Variants in CSMD1 observed in about 807,000 individuals in gnomAD.
CSMD1 encodes the protein CUB and sushi domain-containing protein 1.
CSMD1 carries 213 observed loss-of-function variants against 417.5 expected under a neutral mutation model. The observed-to-expected ratio is 0.51, with a 90% CI of 0.46 to 0.57. The LOEUF (loss-of-function observed/expected upper bound fraction) is 0.57. CSMD1 is among the 20% of genes least tolerant of loss of function. The pLI is 0.00. For missense variants in CSMD1, 6,923 were observed against 4,529.7 expected (o/e 1.53, Z -15.17); for synonymous variants, 2,862 against 1,736.8 (o/e 1.65, Z -16.11).
At chr8:3,389,474 G>A (rs984736514) in intron 17 of CSMD1, among the ~76,000 whole-genome samples, 2 of 152,110 alleles carry the variant, frequency 1.3e-5, no homozygotes, top group African/African-American at 2.4e-5. Context: ...AAGCTCTGCT[G>A]AAGAAATGCA....
chr8:4,298,846 C>G (rs11985248), intron 3 of CSMD1, among the ~76,000 whole-genome samples: 3,074 of 151,912 alleles, frequency 0.02, 109 homozygotes, highest in African/African-American at 0.071. Context: ...AAAATTATTT[C>G]TGGAAATACT....
chr8:3,105,456 C>G (rs983989622), intron 46 of CSMD1, among the ~76,000 whole-genome samples: 4 of 152,218 alleles, frequency 2.6e-5, no homozygotes, highest in Non-Finnish European at 4.4e-5. Flanking sequence ...GATGTTTCGA[C>G]TTACTTGAGC....
Position 4,228,528 on chromosome 8 carries a change from C to T in CSMD1, c.415+191425G>A, listed in dbSNP as rs138514026. ...TCTTCCAGTCAACCCTGTATCTTGG[C>T]TCTTCTACAACCCACTGGCTGTACT... On this transcript the variant is annotated intron_variant, in intron 3 of 69. Coordinates refer to ENST00000635120, the MANE Select transcript of CSMD1 (RefSeq NM_033225.6). Among the ~76,000 whole-genome samples, 8 of 151,612 alleles carry T rather than the reference C, an allele frequency of 5.3e-5. No homozygotes were observed. The East Asian group carries it at 1.6e-3, about 30-fold the overall frequency.
intron 11 of CSMD1, among the ~76,000 whole-genome samples, chr8:3,485,137 T>C (rs1290134381): frequency 5.3e-5 from 8 of 152,182 alleles, no homozygotes; most frequent in South Asian, 2.1e-4. Flanking sequence ...TTCTTCATAA[T>C]AGTCAAATAC....
At chr8:3,348,931 G>A (rs1040696135) in intron 21 of CSMD1, among the ~76,000 whole-genome samples, 1 of 152,138 alleles carries the variant, frequency 6.6e-6, no homozygotes, top group African/African-American at 2.4e-5. Context: ...AATGCTTTCA[G>A]CTCCAAAACT....
intron 5 of CSMD1, among the ~76,000 whole-genome samples, chr8:3,762,825 T>A (rs1798085621): frequency 6.6e-6 from 1 of 152,160 alleles, no homozygotes; most frequent in Non-Finnish European, 1.5e-5. Flanking sequence ...CAGCCGTGTG[T>A]AAGGCAGCTG....
At chr8:3,658,559 G>A (rs1480457368) in intron 7 of CSMD1, among the ~76,000 whole-genome samples, 1 of 151,476 alleles carries the variant, frequency 6.6e-6, no homozygotes. Flanking sequence ...AAGGCAGGTG[G>A]ATGACTTGAG....
chr8:4,854,432 G>C (rs578233251), intron 1 of CSMD1, among the ~76,000 whole-genome samples: 2 of 152,180 alleles, frequency 1.3e-5, no homozygotes. Flanking sequence ...AATAGGAACA[G>C]CTCCGGTCTA....
At chr8:4,747,305 C>T (rs1811023133) in intron 1 of CSMD1, among the ~76,000 whole-genome samples, 1 of 152,168 alleles carries the variant, frequency 6.6e-6, no homozygotes, top group Admixed American at 6.5e-5. Flanking sequence ...ACGGAGCCTG[C>T]TCTTCTCATT....
intron 1 of CSMD1, among the ~76,000 whole-genome samples, chr8:4,734,097 C>T (rs1217801382): frequency 1.3e-5 from 2 of 152,058 alleles, no homozygotes; most frequent in African/African-American, 4.8e-5. Flanking sequence ...CATTGATAAA[C>T]ATCAAAAGAG....
At chr8:4,730,617 T>G (rs934944827) in intron 1 of CSMD1, among the ~76,000 whole-genome samples, 3 of 151,962 alleles carry the variant, frequency 2.0e-5, no homozygotes, top group African/African-American at 7.2e-5. Context: ...GGCGGGCGCC[T>G]GTAGTCCCAG....
rs188932249 is a variant in CSMD1, at chr8:3,758,202, G to A, written c.819-4160C>T. ...TGGTCTCAAACTCCTGACCTCAGGTGATCCAACCCCATCATCTTCCCAGAG... is the reference window on the plus strand; with the variant it reads ...TGGTCTCAAACTCCTGACCTCAGGTAATCCAACCCCATCATCTTCCCAGAG... On this transcript the variant is annotated intron_variant, in intron 5 of 69. Transcript: ENST00000635120. 9.9e-5 allele frequency among the ~76,000 whole-genome samples: 15 copies of A among 152,260 alleles called. No homozygotes were observed. The East Asian group carries it at 2.1e-3, about 22-fold the overall frequency.
chr8:3,178,372 C>A (rs1821073669), intron 37 of CSMD1, among the ~76,000 whole-genome samples: 1 of 151,798 alleles, frequency 6.6e-6, no homozygotes, highest in Non-Finnish European at 1.5e-5. Context: ...ATACTTGATC[C>A]TCAGTATGGA....
At chr8:3,444,813 T>C (rs1466154077) in intron 12 of CSMD1, among the ~76,000 whole-genome samples, 1 of 152,190 alleles carries the variant, frequency 6.6e-6, no homozygotes, top group Non-Finnish European at 1.5e-5. Context: ...ATATGCTTCT[T>C]TTATAGGAGA....
intron 5 of CSMD1, among the ~76,000 whole-genome samples, chr8:3,986,264 G>A (rs1008099258): frequency 1.3e-5 from 2 of 152,034 alleles, no homozygotes; most frequent in African/African-American, 2.4e-5. Flanking sequence ...CTGGCTGAGG[G>A]CATCAACATT....
At chr8:4,692,989 G>C (rs1271886566) in intron 1 of CSMD1, among the ~76,000 whole-genome samples, 1 of 152,092 alleles carries the variant, frequency 6.6e-6, no homozygotes, top group East Asian at 1.9e-4. Context: ...ATGGTTCCTG[G>C]AACAAAGCTC....
At chr8:4,971,404 T>A (rs17071965) in intron 1 of CSMD1, among the ~76,000 whole-genome samples, 22,641 of 151,998 alleles carry the variant, frequency 0.15, 1,858 homozygotes, top group East Asian at 0.32. Context: ...AAGAAACTCT[T>A]TTCTCTAACA....
intron 2 of CSMD1, among the ~76,000 whole-genome samples, chr8:4,585,283 G>C (rs190653908): frequency 2.0e-5 from 3 of 152,192 alleles, no homozygotes; most frequent in African/African-American, 4.8e-5. Flanking sequence ...AGTTGAAATA[G>C]GCAGTCCCAG....
At chr8:3,027,742 C>G (rs1033781660) in intron 51 of CSMD1, among the ~76,000 whole-genome samples, 6 of 152,006 alleles carry the variant, frequency 3.9e-5, no homozygotes, top group Non-Finnish European at 8.8e-5. Flanking sequence ...GTCAGAAACA[C>G]CAGAATACAG....
Sources: allele counts gnomAD v4.1 joint callset (sites outside exome capture counted in the v4.1 genomes callset), GRCh38; gene constraint gnomAD v4.1.1; transcripts MANE v1.5; gene names NCBI Gene and HGNC (gene_info 2026-07-23, HGNC 2026-07-21).